VCF1: variants seen among roughly 807,000 people sequenced by gnomAD.
VCF1 encodes the protein protein VCF1.
At chr17:73,226,152 T>TAA in the VCF1 span, among the ~76,000 whole-genome samples, 1 of 152,006 alleles carries the variant, frequency 6.6e-6, no homozygotes, top group African/African-American at 2.4e-5. Flanking sequence ...CTGCCCACCT[T>TAA]GGCCTACCAA....
chr17:73,212,546 C>A, the VCF1 span: 2 of 612,016 alleles, frequency 3.3e-6, no homozygotes, highest in South Asian at 5.6e-5. Flanking sequence ...CTTAAGAAGT[C>A]AAAGTCAAAA....
chr17:73,222,718 A>C, the VCF1 span, among the ~76,000 whole-genome samples: 1 of 151,072 alleles, frequency 6.6e-6, no homozygotes, highest in South Asian at 2.1e-4. Context: ...TGGAGGTTGC[A>C]GTGAGCTGAG....
the VCF1 span, chr17:73,207,587 C>G: frequency 1.8e-5 from 15 of 828,320 alleles, no homozygotes; most frequent in Non-Finnish European, 2.7e-5. Flanking sequence ...TGGAGAAAAT[C>G]TGTTTTGTTC....
the VCF1 span, among the ~76,000 whole-genome samples, chr17:73,220,603 C>A: frequency 6.6e-6 from 1 of 151,202 alleles, no homozygotes; most frequent in Admixed American, 6.6e-5. Flanking sequence ...CACCACCACG[C>A]CCAGCCAATT....
At chr17:73,222,036 A>AAG in the VCF1 span, among the ~76,000 whole-genome samples, 1 of 4,424 alleles carries the variant, frequency 2.3e-4, no homozygotes, top group Admixed American at 4.5e-3. Context: ...ACTCTGTCTC[A>AAG]AAAAAAAAAA....
the VCF1 span, chr17:73,208,526 A>C: frequency 6.6e-7 from 1 of 1,518,924 alleles, no homozygotes; most frequent in Non-Finnish European, 9.1e-7. Flanking sequence ...TGCTCATCTG[A>C]TTCTCAGCCA....
chr17:73,212,802 T>C, the VCF1 span: 44 of 1,293,086 alleles, frequency 3.4e-5, no homozygotes, highest in Non-Finnish European at 4.5e-5. Flanking sequence ...TCTCAAATTA[T>C]ATCTATTTCG....
At chr17:73,218,416 G>C in the VCF1 span, among the ~76,000 whole-genome samples, 1 of 152,178 alleles carries the variant, frequency 6.6e-6, no homozygotes, top group African/African-American at 2.4e-5. Flanking sequence ...CTTATAAGGT[G>C]AAACTGGACC....
At chr17:73,231,843 A>G in the VCF1 span, among the ~76,000 whole-genome samples, 1 of 151,874 alleles carries the variant, frequency 6.6e-6, no homozygotes, top group Non-Finnish European at 1.5e-5. Context: ...AGGAAAAGAC[A>G]GGGGGGAAAA....
chr17:73,223,464 G>A, the VCF1 span, among the ~76,000 whole-genome samples: 1 of 152,296 alleles, frequency 6.6e-6, no homozygotes, highest in African/African-American at 2.4e-5. Flanking sequence ...TAGGAAAGAA[G>A]AGGCAGATAC....
chr17:73,208,186 T>C, the VCF1 span: 1 of 1,566,078 alleles, frequency 6.4e-7, no homozygotes, highest in Non-Finnish European at 8.6e-7. Flanking sequence ...GTCCTCTGAC[T>C]AGAGCCATCG....
chr17:73,208,540 C>A, the VCF1 span: 3 of 1,454,882 alleles, frequency 2.1e-6, no homozygotes, highest in Non-Finnish European at 2.9e-6. Context: ...TCAGCCACAC[C>A]AATCTTTCCA....
the VCF1 span, among the ~76,000 whole-genome samples, chr17:73,219,167 G>A: frequency 7.1e-6 from 1 of 141,698 alleles, no homozygotes; most frequent in Non-Finnish European, 1.5e-5. Flanking sequence ...CTCCAGCCTG[G>A]GCAACAAGAG....
the VCF1 span, chr17:73,232,336 C>G: frequency 6.5e-7 from 1 of 1,537,662 alleles, no homozygotes; most frequent in Non-Finnish European, 8.8e-7. Flanking sequence ...CGCCCTCTCG[C>G]GGCTGCGCAG....
chr17:73,225,622 T>G, the VCF1 span, among the ~76,000 whole-genome samples: 1 of 151,846 alleles, frequency 6.6e-6, no homozygotes, highest in East Asian at 1.9e-4. Context: ...CAGACACAAG[T>G]AAGGAAATAC....
the VCF1 span, chr17:73,207,925 A>G: frequency 8.4e-7 from 1 of 1,188,420 alleles, no homozygotes; most frequent in Non-Finnish European, 1.1e-6. Flanking sequence ...AAGTTGGGAG[A>G]TGGTAGTTTA....
the VCF1 span, among the ~76,000 whole-genome samples, chr17:73,223,690 T>G: frequency 1.6e-4 from 25 of 152,048 alleles, no homozygotes; most frequent in Non-Finnish European, 3.5e-4. Flanking sequence ...AGAAAAAGAA[T>G]TCTTAAACAG....
At chr17:73,209,912 T>C in the VCF1 span, 1 of 1,308,082 alleles carries the variant, frequency 7.6e-7, no homozygotes, top group African/African-American at 1.5e-5. Context: ...TTGGAATTGA[T>C]AAAGTACGCT....
At chr17:73,219,479 C>T in the VCF1 span, among the ~76,000 whole-genome samples, 3,171 of 150,734 alleles carry the variant, frequency 0.021, 49 homozygotes, top group Non-Finnish European at 0.033. Context: ...GGAACCCCGT[C>T]TCTACTAAAA....
Sources: allele counts gnomAD v4.1 joint callset (sites outside exome capture counted in the v4.1 genomes callset), GRCh38; gene constraint gnomAD v4.1.1; transcripts MANE v1.5; gene names NCBI Gene and HGNC (gene_info 2026-07-23, HGNC 2026-07-21).